Variants in OR14J1 observed in about 807,000 individuals in gnomAD.
The protein encoded by OR14J1 is olfactory receptor family 14 subfamily J member 1, also known as olfactory receptor 14J1.
For synonymous variants in OR14J1, 140 were observed against 146.7 expected (o/e 0.95, Z 0.33); for missense variants, 378 against 393.4 (o/e 0.96, Z 0.33).
chr6:29,303,596 A>G (rs911641261), intron 1 of OR14J1, among the ~76,000 whole-genome samples: 5 of 152,238 alleles, frequency 3.3e-5, no homozygotes, highest in Non-Finnish European at 7.3e-5. Context: ...CTCATAAAGC[A>G]TGGCTGTAAA....
In OR14J1 at chr6:29,309,907, G is replaced by A. The variant is rs1775387254; in HGVS notation, c.*2252G>A. ...GAGGCAGGAGAATCGCTTGAACCTG[G>A]AGAATCCCAAAAGTGTCTGTTCACA... On this transcript the variant is annotated 3_prime_UTR_variant, in exon 2 of 2. Coordinates refer to ENST00000641895, the MANE Select transcript of OR14J1 (RefSeq NM_030946.2). The A allele has an allele frequency of 6.6e-6, 1 of 151,984 alleles. No individual in the cohort carries two copies. Among genetic ancestry groups the A allele is most frequent in the Non-Finnish European group, 1.5e-5 (1 of 67,936 alleles). The allele number at this position is 151,984 out of a possible 1,614,324, so 9.4% of individuals were successfully genotyped here. A position where few individuals can be genotyped will look rare whatever the true frequency, so the allele number is the denominator to read the frequency against.
Position 29,310,802 on chromosome 6 carries a change from T to G in OR14J1, c.*3147T>G, listed in dbSNP as rs1775450806. The G allele has an allele frequency of 6.6e-6, 1 of 152,186 alleles. No individual in the cohort carries two copies. The highest frequency in any genetic ancestry group is 1.5e-5 in the Non-Finnish European group (1 of 68,036). The allele number at this position is 152,186 out of a possible 1,614,324, so 9.4% of individuals were successfully genotyped here. ...TCTCTCCTTGAGCAGTGGTTTGTAG[T>G]TCTCCTTGAAGAGGTCCTTCACATG... On this transcript the variant is annotated 3_prime_UTR_variant, in exon 2 of 2. Transcript: ENST00000641895.
At chr6:29,304,789 A>G (rs750604711) in intron 1 of OR14J1, among the ~76,000 whole-genome samples, 1 of 152,184 alleles carries the variant, frequency 6.6e-6, no homozygotes, top group African/African-American at 2.4e-5. Context: ...CCTTCCCTCT[A>G]TGGAGAAACC....
At chr6:29,302,469 G>A (rs556773470) in intron 1 of OR14J1, among the ~76,000 whole-genome samples, 48 of 152,144 alleles carry the variant, frequency 3.2e-4, no homozygotes, top group African/African-American at 9.6e-4. Flanking sequence ...GTGAGCAACC[G>A]TGCTCAGCCA....
intron 1 of OR14J1, among the ~76,000 whole-genome samples, chr6:29,304,706 A>G (rs2151190406): frequency 6.6e-6 from 1 of 152,320 alleles, no homozygotes; most frequent in East Asian, 1.9e-4. Context: ...TAAAAATGAA[A>G]ATAGGTTGGT....
At chr6:29,306,507 T>C in intron 1 of OR14J1, 155 bp from the exon 2 acceptor site, 1 of 605,698 alleles carries the variant, frequency 1.7e-6, no homozygotes, top group Non-Finnish European at 2.9e-6. Context: ...TTCTGAATAA[T>C]TGCTAAAACG....
Position 29,310,290 on chromosome 6 carries a change from T to C in OR14J1, c.*2635T>C, listed in dbSNP as rs1178935358. 6.6e-6 allele frequency: 1 copy of C among 152,230 alleles called. No homozygotes were observed. The highest frequency in any genetic ancestry group is 2.4e-5 in the African/African-American group (1 of 41,456). The allele number at this position is 152,230 out of a possible 1,614,324, so 9.4% of individuals were successfully genotyped here. ...AATCCATCTTGAGTTAATTTTTGTA[T>C]AAGGTATAAGGAAGGAGTCCAGTTT... On this transcript the variant is annotated 3_prime_UTR_variant, in exon 2 of 2. Coordinates refer to ENST00000641895, the MANE Select transcript of OR14J1 (RefSeq NM_030946.2).
rs1775352905 is a variant in OR14J1, at chr6:29,309,491, TC to T, written c.*1839del. ...CCACAATGGTTGAACTAGTTTACAG[TC>T]CCACCAACAGTGTAAAAGTGTTCCT... On this transcript the variant is annotated 3_prime_UTR_variant, in exon 2 of 2. Transcript: ENST00000641895. The T allele has an allele frequency of 6.6e-6, 1 of 152,216 alleles. No homozygotes were observed. The allele number at this position is 152,216 out of a possible 1,614,324, so 9.4% of individuals were successfully genotyped here.
At position 29,309,929 on chromosome 6, in the gene OR14J1, C is replaced by A. The variant is rs1020885811; in HGVS notation, c.*2274C>A. ...CTGGAGAATCCCAAAAGTGTCTGTT[C>A]ACATCCTTCGCCCACATTTTGATGG... is the stretch of plus-strand genomic sequence containing the variant. On this transcript the variant is annotated 3_prime_UTR_variant, in exon 2 of 2. Transcript: ENST00000641895. The A allele has an allele frequency of 6.6e-6, 1 of 152,244 alleles. No individual in the cohort carries two copies. The highest frequency in any genetic ancestry group is 1.5e-5 in the Non-Finnish European group (1 of 68,072). The allele number at this position is 152,244 out of a possible 1,614,324, so 9.4% of individuals were successfully genotyped here.
In OR14J1 at chr6:29,307,590, A is replaced by C; in HGVS notation, c.901A>C (p.Lys301Gln). 1 of 1,611,356 alleles carries C rather than the reference A, an allele frequency of 6.2e-7. No homozygotes were observed. The highest frequency in any genetic ancestry group is 8.5e-7 in the Non-Finnish European group (1 of 1,179,948). The change falls in exon 2 of 2, where the codon AAG (lysine) becomes CAG (glutamine). Residue 301 changes from lysine (K) to glutamine (Q), a missense_variant. Coordinates refer to ENST00000641895, the MANE Select transcript of OR14J1 (RefSeq NM_030946.2). ...RNDSMKAALR[K>Q]MLSKEELPQR... is the part of the protein sequence containing the mutation. ...TGATTCCATGAAGGCAGCACTGAGG[A>C]AGATGCTGTCAAAGGAAGAGCTTCC... is the stretch of plus-strand genomic sequence containing the variant.
chr6:29,302,760 T>A (rs1281973331), intron 1 of OR14J1, among the ~76,000 whole-genome samples: 1 of 152,234 alleles, frequency 6.6e-6, no homozygotes, highest in African/African-American at 2.4e-5. Flanking sequence ...AAATTAATGT[T>A]ACAAGATGTG....
In OR14J1 at chr6:29,307,255, ATGAATTCAT is replaced by A; in HGVS notation, c.568_576del (p.Glu190_Ile192del). 1 of 1,612,950 alleles carries A rather than the reference ATGAATTCAT, an allele frequency of 6.2e-7. No individual in the cohort carries two copies. Among genetic ancestry groups the A allele is most frequent in the Non-Finnish European group, 8.5e-7 (1 of 1,179,988 alleles). On this transcript the variant is annotated inframe_deletion, in exon 2 of 2. Coordinates refer to ENST00000641895, the MANE Select transcript of OR14J1 (RefSeq NM_030946.2). ...CAGATGCTGAAACTAGCCTGTTCTT[ATGAATTCAT>A]TAATGAGATTGCACTGGCTGCATTC...
rs1291903363 is a variant in OR14J1, at chr6:29,310,476, C to CT, written c.*2822dup. 2.6e-5 allele frequency: 4 copies of CT among 152,134 alleles called. No homozygotes were observed. The highest frequency in any genetic ancestry group is 5.9e-5 in the Non-Finnish European group (4 of 68,024). 9.4% of individuals were successfully genotyped at this position (152,134 alleles called of 1,614,324 possible). Reference sequence around the variant, plus strand: ...TGTTCTGTTCTGTTGGTCTATATATCTGTTTTGGCACCAGTAACATGCTGT... The same window carrying CT: ...TGTTCTGTTCTGTTGGTCTATATATCTTGTTTTGGCACCAGTAACATGCTGT... On this transcript the variant is annotated 3_prime_UTR_variant, in exon 2 of 2. Coordinates refer to ENST00000641895, the MANE Select transcript of OR14J1 (RefSeq NM_030946.2).
rs977873635 is a variant in OR14J1, at chr6:29,311,059, G to C, written c.*3404G>C. 3 of 152,226 alleles carry C rather than the reference G, an allele frequency of 2.0e-5. No homozygotes were observed. The highest frequency in any genetic ancestry group is 7.2e-5 in the African/African-American group (3 of 41,462). The allele number at this position is 152,226 out of a possible 1,614,324, so 9.4% of individuals were successfully genotyped here. ...TATAGAATCATGTCATCTGCAAACA[G>C]AGACAATTTGAATTCCTCTCTTTCT... On this transcript the variant is annotated 3_prime_UTR_variant, in exon 2 of 2. Coordinates refer to ENST00000641895, the MANE Select transcript of OR14J1 (RefSeq NM_030946.2).
rs143258807 is a variant in OR14J1, at chr6:29,311,140, A to C, written c.*3485A>C. On this transcript the variant is annotated 3_prime_UTR_variant, in exon 2 of 2. Coordinates refer to ENST00000641895, the MANE Select transcript of OR14J1 (RefSeq NM_030946.2). ...CTGATTGCCCTGGCCAGAACTTCCA[A>C]CATTATGTTGAATAAGAGTGGTGAG... 6.6e-6 allele frequency: 1 copy of C among 152,100 alleles called. No homozygotes were observed. Among genetic ancestry groups the C allele is most frequent in the Non-Finnish European group, 1.5e-5 (1 of 68,014 alleles). The allele number at this position is 152,100 out of a possible 1,614,324, so 9.4% of individuals were successfully genotyped here.
At position 29,312,089 on chromosome 6, in the gene OR14J1, G is replaced by C. The variant is rs1397986175; in HGVS notation, c.*4434G>C. ...ATTCATTGATTTTTTGAATTTTTTT[G>C]TGTGTGTCTCTATCTCCTTCATTTC... On this transcript the variant is annotated 3_prime_UTR_variant, in exon 2 of 2. Coordinates refer to ENST00000641895, the MANE Select transcript of OR14J1 (RefSeq NM_030946.2). The C allele has an allele frequency of 2.0e-5, 3 of 151,708 alleles. No individual in the cohort carries two copies. The highest frequency in any genetic ancestry group is 7.3e-5 in the African/African-American group (3 of 41,296). 9.4% of individuals were successfully genotyped at this position (151,708 alleles called of 1,614,324 possible).
At chr6:29,302,203 G>A (rs1436401130) in intron 1 of OR14J1, among the ~76,000 whole-genome samples, 1 of 35,020 alleles carries the variant, frequency 2.9e-5, no homozygotes, top group African/African-American at 6.9e-5. Context: ...TTTTTGAGAC[G>A]AGTCTCGCTC....
In OR14J1 at chr6:29,311,147, G is replaced by A. The variant is rs1451346865; in HGVS notation, c.*3492G>A. On this transcript the variant is annotated 3_prime_UTR_variant, in exon 2 of 2. Coordinates refer to ENST00000641895, the MANE Select transcript of OR14J1 (RefSeq NM_030946.2). ...CCCTGGCCAGAACTTCCAACATTATGTTGAATAAGAGTGGTGAGAGAGGGC... is the reference window on the plus strand; with the variant it reads ...CCCTGGCCAGAACTTCCAACATTATATTGAATAAGAGTGGTGAGAGAGGGC... The A allele has an allele frequency of 6.6e-6, 1 of 152,104 alleles. No individual in the cohort carries two copies. The highest frequency in any genetic ancestry group is 1.9e-4 in the East Asian group (1 of 5,194). The allele number at this position is 152,104 out of a possible 1,614,324, so 9.4% of individuals were successfully genotyped here.
In OR14J1 at chr6:29,310,191, C is replaced by T. The variant is rs1181322545; in HGVS notation, c.*2536C>T. ...TTTAGTCATGAAGTCTCTGCCCATG[C>T]CTAAATCCTGAATGGTATTGCCTAG... On this transcript the variant is annotated 3_prime_UTR_variant, in exon 2 of 2. Coordinates refer to ENST00000641895, the MANE Select transcript of OR14J1 (RefSeq NM_030946.2). 2.6e-5 allele frequency: 4 copies of T among 152,146 alleles called. No individual in the cohort carries two copies. The highest frequency in any genetic ancestry group is 5.9e-5 in the Non-Finnish European group (4 of 68,036). The allele number at this position is 152,146 out of a possible 1,614,324, so 9.4% of individuals were successfully genotyped here. A position where few individuals can be genotyped will look rare whatever the true frequency, so the allele number is the denominator to read the frequency against.
Sources: gnomAD v4.1 joint callset for allele counts (sites outside exome capture counted in the v4.1 genomes callset) on GRCh38, gnomAD v4.1.1 for gene constraint, MANE v1.5 for transcripts, NCBI Gene and HGNC (gene_info 2026-07-23, HGNC 2026-07-21) for gene names.